Variants in RBFOX1 observed in about 807,000 individuals in gnomAD.
RBFOX1 encodes RNA binding protein fox-1 homolog 1.
RBFOX1 carries 8 observed loss-of-function variants against 57.7 expected under a neutral mutation model. The ratio of observed to expected loss-of-function variants is 0.14; its 90% CI spans 0.08 to 0.25. The LOEUF (loss-of-function observed/expected upper bound fraction) is 0.25. Among genes scored for constraint, RBFOX1 ranks in the 10% least tolerant of loss-of-function variants. RBFOX1 has a pLI of 1.00. For synonymous variants in RBFOX1, 326 were observed against 222.4 expected (o/e 1.47, Z -4.15); for missense variants, 611 against 548.5 (o/e 1.11, Z -1.14).
chr16:5,392,169 A>T (rs2066429447), intron 1 of RBFOX1, among the ~76,000 whole-genome samples: 1 of 152,078 alleles, frequency 6.6e-6, no homozygotes, highest in Non-Finnish European at 1.5e-5. Flanking sequence ...AAAGACTACA[A>T]ATTGGGTTCA....
chr16:6,649,955 T>C (rs1442479945), intron 2 of RBFOX1, among the ~76,000 whole-genome samples: 4 of 152,186 alleles, frequency 2.6e-5, no homozygotes, highest in African/African-American at 2.4e-5. Flanking sequence ...CCACTGTGAA[T>C]TGTGCTGCTA....
intron 3 of RBFOX1, among the ~76,000 whole-genome samples, chr16:7,001,577 C>G (rs1485006999): frequency 3.3e-5 from 5 of 152,096 alleles, no homozygotes; most frequent in African/African-American, 9.7e-5. Context: ...CTACATCAGC[C>G]TCCCGAGTAG....
At chr16:7,019,739 C>T (rs957106222) in intron 3 of RBFOX1, among the ~76,000 whole-genome samples, 10 of 152,204 alleles carry the variant, frequency 6.6e-5, no homozygotes, top group East Asian at 1.9e-4. Flanking sequence ...GTTTCAAACA[C>T]TGCATGTTTA....
chr16:6,267,533 G>A (rs74005055), intron 1 of RBFOX1, among the ~76,000 whole-genome samples: 3,036 of 152,262 alleles, frequency 0.02, 76 homozygotes, highest in African/African-American at 0.06. Flanking sequence ...ACGAGCAACA[G>A]TCCTTTCTTT....
chr16:6,759,124 T>A (rs904672275), intron 3 of RBFOX1, among the ~76,000 whole-genome samples: 2 of 150,286 alleles, frequency 1.3e-5, no homozygotes, highest in African/African-American at 4.9e-5. Flanking sequence ...GTAGAAAAAG[T>A]GGAGTTTCAT....
At chr16:6,411,689 A>T (rs551716436) in intron 2 of RBFOX1, among the ~76,000 whole-genome samples, 4 of 152,356 alleles carry the variant, frequency 2.6e-5, no homozygotes, top group Admixed American at 1.3e-4. Context: ...ACCTTGGATG[A>T]GTCTAACCTA....
intron 2 of RBFOX1, among the ~76,000 whole-genome samples, chr16:5,526,786 A>G (rs547433701): frequency 6.6e-6 from 1 of 152,316 alleles, no homozygotes; most frequent in African/African-American, 2.4e-5. Flanking sequence ...GGCACACACT[A>G]GTGTCCATAA....
intron 4 of RBFOX1, among the ~76,000 whole-genome samples, chr16:5,940,240 A>C (rs993761612): frequency 2.6e-5 from 4 of 152,194 alleles, no homozygotes; most frequent in African/African-American, 9.7e-5. Context: ...TAGTTAGGCA[A>C]GTCACTTTCT....
At chr16:6,697,319 G>A (rs1424314631) in intron 3 of RBFOX1, among the ~76,000 whole-genome samples, 2 of 152,100 alleles carry the variant, frequency 1.3e-5, no homozygotes, top group African/African-American at 2.4e-5. Flanking sequence ...TGGTCACTAA[G>A]CTTGCCAGAG....
rs375449628 is a variant in RBFOX1 at position 7,033,159 on chromosome 16, C to T, written c.-15-18898C>T. On this transcript the variant is annotated intron_variant, in intron 3 of 15. Transcript: ENST00000550418. The stretch of plus-strand genomic sequence containing the variant: ...AAGTGCAGTAAGCAGGTTCTGATGA[C>T]GAGGCGGTAAAGGTGTTGATTTTAG... Among the ~76,000 whole-genome samples the T allele has an allele frequency of 2.7e-3, 409 of 152,204 alleles. 3 individuals are homozygous for T. Among genetic ancestry groups the T allele is most frequent in the Non-Finnish European group, 4.7e-3 (319 of 68,030 alleles).
chr16:6,034,353 A>AAAAAAAAGAAAAG (rs2095334871), intron 1 of RBFOX1, among the ~76,000 whole-genome samples: 1 of 145,826 alleles, frequency 6.9e-6, no homozygotes, highest in South Asian at 2.1e-4. Context: ...AAAAAAAAAA[A>AAAAAAAAGAAAAG]AAAAGAAAAG....
chr16:5,432,559 GTT>G lies in RBFOX1; in HGVS notation c.220-34643_220-34642del, dbSNP rs35344614. 8.1e-3 allele frequency among the ~76,000 whole-genome samples: 759 copies of G among 94,212 alleles called. 4 individuals are homozygous for G. The highest frequency in any genetic ancestry group is 0.025 in the African/African-American group (619 of 24,958). 61.8% of individuals were successfully genotyped at this position (94,212 alleles called of 152,430 possible). On this transcript the variant is annotated intron_variant, in intron 1 of 2. Transcript: ENST00000585867. ...GGAGTTTTTTTTTTTTTGTTTGTTT[GTT>G]TTTTTTTTTTTTTGGTTTTTCACTC... is the stretch of plus-strand genomic sequence containing the variant.
At chr16:5,399,396 TAATTTTTCTCGTAGAA>T (rs1268926433) in intron 1 of RBFOX1, among the ~76,000 whole-genome samples, 1 of 152,242 alleles carries the variant, frequency 6.6e-6, no homozygotes, top group Non-Finnish European at 1.5e-5. Context: ...TAAATGCATT[TAATTTTTCTCGTAGAA>T]AATTTGGGAA....
At chr16:6,859,151 A>ATG (rs1470933687) in intron 3 of RBFOX1, among the ~76,000 whole-genome samples, 1 of 81,918 alleles carries the variant, frequency 1.2e-5, no homozygotes, top group East Asian at 5.0e-4. Context: ...GTATATATAT[A>ATG]TGTATATATA....
At chr16:6,783,353 C>T (rs1239681210) in intron 3 of RBFOX1, among the ~76,000 whole-genome samples, 1 of 144,420 alleles carries the variant, frequency 6.9e-6, no homozygotes, top group Non-Finnish European at 1.5e-5. Context: ...TCTATATAAG[C>T]AATTTTCTGG....
intron 3 of RBFOX1, among the ~76,000 whole-genome samples, chr16:5,764,573 G>C (rs986098094): frequency 6.6e-6 from 1 of 152,112 alleles, no homozygotes; most frequent in Non-Finnish European, 1.5e-5. Context: ...AAAAGAGAGC[G>C]CAATGGATAG....
chr16:6,630,599 G>A (rs1414260329), intron 2 of RBFOX1, among the ~76,000 whole-genome samples: 1 of 152,130 alleles, frequency 6.6e-6, no homozygotes, highest in Admixed American at 6.5e-5. Flanking sequence ...ATTTGTTCAA[G>A]TCTCCTTGCT....
At chr16:7,369,007 T>C (rs2097519962) in intron 4 of RBFOX1, among the ~76,000 whole-genome samples, 2 of 152,028 alleles carry the variant, frequency 1.3e-5, no homozygotes, top group South Asian at 2.1e-4. Context: ...TGCTAGATGA[T>C]CCTCCTGGCT....
chr16:6,845,328 CTT>C (rs1009257361), intron 3 of RBFOX1, among the ~76,000 whole-genome samples: 2 of 151,562 alleles, frequency 1.3e-5, no homozygotes, highest in African/African-American at 4.9e-5. Context: ...ACATTTAACT[CTT>C]TAATCTTTCT....
Sources: gnomAD v4.1 joint callset for allele counts (sites outside exome capture counted in the v4.1 genomes callset) on GRCh38, gnomAD v4.1.1 for gene constraint, MANE v1.5 for transcripts, NCBI Gene and HGNC (gene_info 2026-07-23, HGNC 2026-07-21) for gene names.